The following DPH6 variants were observed in gnomAD, a reference collection of about 807,000 sequenced individuals.
The protein encoded by DPH6 is diphthine--ammonia ligase.
A neutral mutation model predicts 38.2 loss-of-function variants in DPH6; 33 were observed. That is an observed-to-expected ratio of 0.86 (90% CI 0.65 to 1.15). DPH6 has a LOEUF of 1.15. DPH6 is among the 50% of genes most tolerant of loss of function. DPH6 has a pLI of 0.00. For missense variants in DPH6, 325 were observed against 320.0 expected (o/e 1.02, Z -0.12); for synonymous variants, 108 against 103.0 (o/e 1.05, Z -0.30).
chr15:35,230,179 T>C (rs2051507262), intron 3 of DPH6, among the ~76,000 whole-genome samples: 1 of 152,126 alleles, frequency 6.6e-6, no homozygotes, highest in African/African-American at 2.4e-5. Flanking sequence ...TCAAAAACCT[T>C]AGAAGCCCAC....
At chr15:35,203,955 A>T in the DPH6 span, among the ~76,000 whole-genome samples, 1 of 151,614 alleles carries the variant, frequency 6.6e-6, no homozygotes, top group Non-Finnish European at 1.5e-5. Context: ...TTATGTTTTT[A>T]AAAAGGAGGC....
intron 3 of DPH6, among the ~76,000 whole-genome samples, chr15:35,467,527 C>A (rs151261123): frequency 1.4e-3 from 219 of 152,264 alleles, no homozygotes; most frequent in African/African-American, 5.1e-3. Context: ...GATCGCACCA[C>A]GGCACTCCAG....
chr15:35,152,338 A>C, the DPH6 span, among the ~76,000 whole-genome samples: 2 of 152,156 alleles, frequency 1.3e-5, no homozygotes, highest in African/African-American at 4.8e-5. Flanking sequence ...ATATTGTGTC[A>C]TCCTCTTGAA....
At chr15:35,185,662 G>C in the DPH6 span, among the ~76,000 whole-genome samples, 1 of 150,800 alleles carries the variant, frequency 6.6e-6, no homozygotes, top group African/African-American at 2.4e-5. Flanking sequence ...AGCGTAGAAG[G>C]TATTAGAAAT....
the DPH6 span, among the ~76,000 whole-genome samples, chr15:35,208,197 G>A: frequency 6.6e-6 from 1 of 152,116 alleles, no homozygotes; most frequent in African/African-American, 2.4e-5. Flanking sequence ...ACCAAACGAA[G>A]TCCCTGGAGG....
chr15:35,315,050 T>C (rs1348878609), intron 3 of DPH6, among the ~76,000 whole-genome samples: 1 of 152,178 alleles, frequency 6.6e-6, no homozygotes, highest in Admixed American at 6.5e-5. Context: ...GCTCAGCAAC[T>C]TGATGAGATG....
intron 3 of DPH6, among the ~76,000 whole-genome samples, chr15:35,460,993 A>C (rs2054059904): frequency 6.6e-6 from 1 of 151,920 alleles, no homozygotes; most frequent in Non-Finnish European, 1.5e-5. Flanking sequence ...TTTATTCAGA[A>C]AGAGCCAATA....
chr15:35,160,208 T>C, the DPH6 span, among the ~76,000 whole-genome samples: 1 of 152,004 alleles, frequency 6.6e-6, no homozygotes, highest in Non-Finnish European at 1.5e-5. Context: ...AAAAAATTCT[T>C]TTCTAGACCA....
chr15:35,481,543 T>C (rs898539358), intron 3 of DPH6, among the ~76,000 whole-genome samples: 8 of 152,192 alleles, frequency 5.3e-5, no homozygotes, highest in Non-Finnish European at 7.4e-5. Context: ...AATTTGAATA[T>C]TGACTGGATA....
the DPH6 span, among the ~76,000 whole-genome samples, chr15:35,195,523 A>T: frequency 6.6e-6 from 1 of 152,232 alleles, no homozygotes. Flanking sequence ...CAGAGAACTC[A>T]TAGATGGCAG....
At chr15:35,370,687 A>C (rs1034795264), downstream of DPH6, among the ~76,000 whole-genome samples, 7 of 151,822 alleles carry the variant, frequency 4.6e-5, no homozygotes, top group Non-Finnish European at 1.0e-4. Flanking sequence ...TACAATGCTC[A>C]ATGCTGGTCA....
chr15:35,217,884 C>G (rs2051419444), exon 4 of DPH6: 1 of 152,124 alleles, frequency 6.6e-6, no homozygotes, highest in South Asian at 2.1e-4. Flanking sequence ...GCTCATGTCC[C>G]TGATATAAAA....
intron 3 of DPH6, among the ~76,000 whole-genome samples, chr15:35,487,642 G>A (rs924312949): frequency 3.3e-5 from 5 of 152,254 alleles, no homozygotes; most frequent in African/African-American, 1.2e-4. Context: ...CGGCCTCCAG[G>A]CCTGTGATGG....
At chr15:35,258,687 A>T (rs2051723455) in intron 3 of DPH6, among the ~76,000 whole-genome samples, 1 of 152,086 alleles carries the variant, frequency 6.6e-6, no homozygotes, top group Non-Finnish European at 1.5e-5. Flanking sequence ...AAACATGCTC[A>T]CTTTTTTTGG....
intron 3 of DPH6, among the ~76,000 whole-genome samples, chr15:35,347,916 A>G (rs1029439324): frequency 6.6e-6 from 1 of 151,946 alleles, no homozygotes; most frequent in African/African-American, 2.4e-5. Context: ...GCATCTTTTT[A>G]TATGTTTGTA....
chr15:35,353,203 C>A (rs1208363496), intron 3 of DPH6, among the ~76,000 whole-genome samples: 2 of 152,106 alleles, frequency 1.3e-5, no homozygotes, highest in African/African-American at 4.8e-5. Context: ...GAGTAGATTG[C>A]AAAAATTTTC....
intron 3 of DPH6, among the ~76,000 whole-genome samples, chr15:35,361,717 C>G (rs1450799345): frequency 1.3e-5 from 2 of 151,596 alleles, no homozygotes; most frequent in African/African-American, 2.4e-5. Flanking sequence ...GCTGTTGAAC[C>G]TCTCCAGTGA....
chr15:35,166,993 G>A, the DPH6 span, among the ~76,000 whole-genome samples: 1 of 152,026 alleles, frequency 6.6e-6, no homozygotes, highest in Non-Finnish European at 1.5e-5. Flanking sequence ...TAGAAGTACT[G>A]AAGAGCCGGA....
the DPH6 span, among the ~76,000 whole-genome samples, chr15:35,186,642 A>G: frequency 6.6e-6 from 1 of 152,174 alleles, no homozygotes; most frequent in African/African-American, 2.4e-5. Context: ...TGAATATGCT[A>G]GCTGCAGTTG....
Sources: gnomAD v4.1 joint callset for allele counts (sites outside exome capture counted in the v4.1 genomes callset) on GRCh38, gnomAD v4.1.1 for gene constraint, MANE v1.5 for transcripts, NCBI Gene and HGNC (gene_info 2026-07-23, HGNC 2026-07-21) for gene names.